TSPAN9: variants seen among roughly 807,000 people sequenced by gnomAD.
The protein encoded by TSPAN9 is tetraspanin-9.
A neutral mutation model predicts 31.0 loss-of-function variants in TSPAN9; 16 were observed. The ratio of observed to expected loss-of-function variants is 0.52; its 90% CI spans 0.35 to 0.78. TSPAN9 has a LOEUF of 0.78. Among genes scored for constraint, TSPAN9 ranks in the 30% least tolerant of loss-of-function variants. TSPAN9 has a pLI of 0.01. For synonymous variants in TSPAN9, 145 were observed against 121.6 expected, an observed-to-expected ratio of 1.19 and a Z score of -1.27; for missense variants, 272 against 312.5, an observed-to-expected ratio of 0.87 and a Z score of 0.98.
chr12:3,106,669 G>T (rs1037254392), intron 2 of TSPAN9, among the ~76,000 whole-genome samples: 1 of 152,178 alleles, frequency 6.6e-6, no homozygotes, highest in Non-Finnish European at 1.5e-5. Context: ...TGCTTGGGAG[G>T]TTGAGGTGGG....
chr12:3,169,794 AG>A (rs1278094996), intron 2 of TSPAN9, among the ~76,000 whole-genome samples: 3 of 152,050 alleles, frequency 2.0e-5, no homozygotes, highest in African/African-American at 7.2e-5. Context: ...ATTTGAAGGC[AG>A]GAAGAAGATC....
intron 3 of TSPAN9, among the ~76,000 whole-genome samples, chr12:3,216,132 T>TCCCCA (rs1273223127): frequency 1.3e-5 from 2 of 151,796 alleles, no homozygotes; most frequent in African/African-American, 4.8e-5. Context: ...AGCCACCCCA[T>TCCCCA]CCCCACCCCA....
At chr12:3,240,614 G>A (rs1219286423) in intron 3 of TSPAN9, among the ~76,000 whole-genome samples, 2 of 152,134 alleles carry the variant, frequency 1.3e-5, no homozygotes, top group African/African-American at 4.8e-5. Flanking sequence ...ACTACCTCTG[G>A]GGGTGTTAAG....
In TSPAN9 at chr12:3,198,691, GT is replaced by G. The variant is rs1565610514; in HGVS notation, c.-17-2485del. On this transcript the variant is annotated intron_variant, in intron 2 of 8. Coordinates refer to ENST00000011898, the MANE Select transcript of TSPAN9 (RefSeq NM_006675.5). ...CCAGCACAGGCCACCACCAGCACAGGTCACCACCAGCACAGGCCACCACCAG... is the reference window on the plus strand; with the variant it reads ...CCAGCACAGGCCACCACCAGCACAGGCACCACCAGCACAGGCCACCACCAG... Among the ~76,000 whole-genome samples, 92 of 58,058 alleles carry G rather than the reference GT, an allele frequency of 1.6e-3. 23 individuals are homozygous for G. The highest frequency in any genetic ancestry group is 6.0e-3 in the African/African-American group (69 of 11,434). The allele number at this position is 58,058 out of a possible 152,430, so 38.1% of individuals were successfully genotyped here. A position where few individuals can be genotyped will look rare whatever the true frequency, so the allele number is the denominator to read the frequency against.
intron 3 of TSPAN9, among the ~76,000 whole-genome samples, chr12:3,268,966 CTGTGTTCCTGCAGCCTGCCCTCCG>C (rs1862609099): frequency 1.1e-5 from 1 of 91,550 alleles, no homozygotes. Flanking sequence ...CCTGCCCTCT[CTGTGTTCCTGCAGCCTGCCCTCCG>C]TGCGTTCCTG....
chr12:3,220,456 A>G (rs578180460), intron 3 of TSPAN9, among the ~76,000 whole-genome samples: 1 of 152,314 alleles, frequency 6.6e-6, no homozygotes, highest in South Asian at 2.1e-4. Context: ...CTGACTCTCC[A>G]GCGGTGCCTG....
intron 2 of TSPAN9, among the ~76,000 whole-genome samples, chr12:3,106,836 G>T (rs1591630744): frequency 6.6e-6 from 1 of 152,250 alleles, no homozygotes; most frequent in East Asian, 1.9e-4. Context: ...GCTATATAGC[G>T]CCAGGCTGCA....
chr12:3,178,590 C>T (rs1287016473), intron 2 of TSPAN9, among the ~76,000 whole-genome samples: 3 of 152,190 alleles, frequency 2.0e-5, no homozygotes, highest in African/African-American at 7.2e-5. Context: ...TGCGCCCTGC[C>T]AGATGAAGGG....
rs1191748231 is a variant in TSPAN9 at position 3,285,961 on chromosome 12, CT to C, written c.*2846del. ...CCCCAGCTTGAGCCGTGTCACCCCCCTCTCCCTCCAGCATGGGCCTGTGTCT... is the reference window on the plus strand; with the variant it reads ...CCCCAGCTTGAGCCGTGTCACCCCCCCTCCCTCCAGCATGGGCCTGTGTCT... On this transcript the variant is annotated 3_prime_UTR_variant, in exon 9 of 9. Coordinates refer to ENST00000011898, the MANE Select transcript of TSPAN9 (RefSeq NM_006675.5). 6.6e-6 allele frequency: 1 copy of C among 152,516 alleles called. No homozygotes were observed. Among genetic ancestry groups the C allele is most frequent in the African/African-American group, 2.4e-5 (1 of 41,454 alleles). The allele number at this position is 152,516 out of a possible 1,614,324, so 9.4% of individuals were successfully genotyped here.
At chr12:3,225,926 C>G (rs921519793) in intron 3 of TSPAN9, among the ~76,000 whole-genome samples, 7 of 152,126 alleles carry the variant, frequency 4.6e-5, no homozygotes, top group Non-Finnish European at 8.8e-5. Flanking sequence ...CACATTCTAC[C>G]TGCTGGGCCA....
chr12:3,277,025 T>G (rs1862801875), intron 3 of TSPAN9, among the ~76,000 whole-genome samples: 1 of 152,128 alleles, frequency 6.6e-6, no homozygotes, highest in Non-Finnish European at 1.5e-5. Context: ...GTCAGCATAG[T>G]CTGCACAGGC....
chr12:3,217,737 A>C (rs2153974594), intron 3 of TSPAN9, among the ~76,000 whole-genome samples: 1 of 151,716 alleles, frequency 6.6e-6, no homozygotes, highest in Middle Eastern at 3.4e-3. Flanking sequence ...CCAGCATCTG[A>C]TCATCTGTCC....
intron 3 of TSPAN9, among the ~76,000 whole-genome samples, chr12:3,208,950 C>T (rs535361579): frequency 1.3e-5 from 2 of 152,288 alleles, no homozygotes; most frequent in Non-Finnish European, 2.9e-5. Context: ...AAAAATTCGG[C>T]GTTGTGCCAG....
intron 3 of TSPAN9, among the ~76,000 whole-genome samples, chr12:3,225,329 A>AG (rs780772721): frequency 9.9e-5 from 15 of 152,142 alleles, no homozygotes; most frequent in Non-Finnish European, 2.1e-4. Context: ...GGGGGCCTGG[A>AG]GGACTGCCTC....
intron 2 of TSPAN9, among the ~76,000 whole-genome samples, chr12:3,164,095 C>T (rs756491790): frequency 2.0e-5 from 3 of 152,136 alleles, no homozygotes; most frequent in Non-Finnish European, 4.4e-5. Context: ...GAGGCTGGAC[C>T]GTTCATTAGG....
At position 3,194,237 on chromosome 12, in the gene TSPAN9, G is replaced by C. The variant is rs576176564; in HGVS notation, c.-17-6940G>C. Among the ~76,000 whole-genome samples the C allele has an allele frequency of 1.1e-4, 17 of 152,330 alleles. No individual in the cohort carries two copies. The South Asian group carries it at 3.5e-3, about 32-fold the overall frequency. On this transcript the variant is annotated intron_variant, in intron 2 of 8. Coordinates refer to ENST00000011898, the MANE Select transcript of TSPAN9 (RefSeq NM_006675.5). ...TTCTTATAGAAGCTCAGTGACTGGAGCAGAGGCAGGTGGGCAAACTGTAGT... is the reference window on the plus strand; with the variant it reads ...TTCTTATAGAAGCTCAGTGACTGGACCAGAGGCAGGTGGGCAAACTGTAGT...
intron 3 of TSPAN9, among the ~76,000 whole-genome samples, chr12:3,226,734 GTGTGTGTGTGTATATATATATATA>G (rs2098387571): frequency 1.7e-3 from 24 of 14,306 alleles, no homozygotes; most frequent in African/African-American, 5.8e-3. Flanking sequence ...GTGTGTGTGT[GTGTGTGTGTGTATATATATATATA>G]TATATATATA....
In TSPAN9 at chr12:3,192,373, G is replaced by C. The variant is rs982699738; in HGVS notation, c.-17-8804G>C. 1.3e-5 allele frequency among the ~76,000 whole-genome samples: 2 copies of C among 152,128 alleles called. No individual in the cohort carries two copies. Among genetic ancestry groups the C allele is most frequent in the Admixed American group, 1.3e-4 (2 of 15,282 alleles). ...CAGGGGCTGCCGCAGGACCCCAGGC[G>C]AGCCATGAAGCAGGGCTGGACAAGG... On this transcript the variant is annotated intron_variant, in intron 2 of 8. Coordinates refer to ENST00000011898, the MANE Select transcript of TSPAN9 (RefSeq NM_006675.5). The surrounding 1 kb of genome is among the most constrained non-coding windows in gnomAD (Gnocchi z 4.6).
chr12:3,081,353 C>G (rs112609136), intron 1 of TSPAN9, among the ~76,000 whole-genome samples: 4 of 152,270 alleles, frequency 2.6e-5, no homozygotes, highest in African/African-American at 9.6e-5. Flanking sequence ...GCCTGTCTAG[C>G]CTTATCGCCA....
Sources: gnomAD v4.1 joint callset for allele counts (sites outside exome capture counted in the v4.1 genomes callset) on GRCh38, gnomAD v4.1.1 for gene constraint, Gnocchi (gnomAD v3.1) non-coding constraint, MANE v1.5 for transcripts, NCBI Gene and HGNC (gene_info 2026-07-23, HGNC 2026-07-21) for gene names.